Variants in GRID2 observed in about 807,000 individuals in gnomAD.
GRID2 encodes glutamate ionotropic receptor delta type subunit 2.
In GRID2, 33 loss-of-function variants were observed where a neutral mutation model predicts 114.8. The ratio of observed to expected loss-of-function variants is 0.29; its 90% confidence interval spans 0.22 to 0.38. GRID2 has a LOEUF of 0.38. Among genes scored for constraint, GRID2 ranks in the 10% least tolerant of loss-of-function variants. The pLI, the probability that GRID2 is intolerant of heterozygous loss-of-function variation, is 1.00. For synonymous variants in GRID2, 505 were observed against 449.9 expected, an observed-to-expected ratio of 1.12 and a Z score of -1.55; for missense variants, 1,184 against 1,257.7, an observed-to-expected ratio of 0.94 and a Z score of 0.89.
At chr4:93,582,452 G>A (rs1400878654) in intron 13 of GRID2, among the ~76,000 whole-genome samples, 1 of 152,118 alleles carries the variant, frequency 6.6e-6, no homozygotes. Flanking sequence ...TTGGAAGGTA[G>A]ACATATTGGA....
intron 10 of GRID2, among the ~76,000 whole-genome samples, chr4:93,443,557 A>T (rs555792677): frequency 6.6e-6 from 1 of 151,982 alleles, no homozygotes. Flanking sequence ...TTGTTCACCT[A>T]TAATCTCAGG....
intron 9 of GRID2, among the ~76,000 whole-genome samples, chr4:93,407,757 G>A (rs150086870): frequency 2.3e-4 from 5 of 21,854 alleles, no homozygotes; most frequent in African/African-American, 5.0e-4. Flanking sequence ...CCTCCTCCTC[G>A]TCCTCCTCCT....
At chr4:92,846,301 T>C (rs1021748650) in intron 2 of GRID2, among the ~76,000 whole-genome samples, 3 of 152,098 alleles carry the variant, frequency 2.0e-5, no homozygotes, top group Non-Finnish European at 4.4e-5. Context: ...TAGGTATTTT[T>C]TGAGTCTTTG....
intron 4 of GRID2, among the ~76,000 whole-genome samples, chr4:93,119,441 G>A (rs1179185377): frequency 6.6e-6 from 1 of 152,030 alleles, no homozygotes; most frequent in Non-Finnish European, 1.5e-5. Flanking sequence ...AGACATTTTG[G>A]CCATGGTCTT....
intron 4 of GRID2, among the ~76,000 whole-genome samples, chr4:93,192,994 G>T (rs572783133): frequency 6.6e-6 from 1 of 152,184 alleles, no homozygotes; most frequent in African/African-American, 2.4e-5. Flanking sequence ...ACAACAAAAA[G>T]ATCACATCAT....
At chr4:92,638,946 A>G (rs1731210875) in intron 2 of GRID2, among the ~76,000 whole-genome samples, 1 of 151,240 alleles carries the variant, frequency 6.6e-6, no homozygotes, top group Non-Finnish European at 1.5e-5. Flanking sequence ...TAACTTTATC[A>G]TTAAATTTGT....
At chr4:92,442,204 C>T (rs543499980) in intron 1 of GRID2, among the ~76,000 whole-genome samples, 1 of 151,660 alleles carries the variant, frequency 6.6e-6, no homozygotes, top group South Asian at 2.1e-4. Context: ...AGGGGGCTTC[C>T]GAGGCGATCG....
chr4:93,316,390 A>G, intron 8 of GRID2, among the ~76,000 whole-genome samples: 1 of 143,554 alleles, frequency 7.0e-6, no homozygotes, highest in African/African-American at 2.6e-5. Context: ...AAAGAATAGA[A>G]AAGGAAGGAA....
intron 1 of GRID2, among the ~76,000 whole-genome samples, chr4:92,460,053 T>TATATATATAC (rs1032538170): frequency 4.0e-5 from 4 of 99,758 alleles, no homozygotes; most frequent in South Asian, 4.0e-4. Context: ...TATATATATA[T>TATATATATAC]ACACACACAA....
downstream of GRID2, among the ~76,000 whole-genome samples, chr4:93,778,256 G>A (rs1399399178): frequency 6.6e-6 from 1 of 152,060 alleles, no homozygotes; most frequent in Non-Finnish European, 1.5e-5. Flanking sequence ...AAATTAGGTT[G>A]ACTTTAAAAT....
intron 8 of GRID2, among the ~76,000 whole-genome samples, chr4:93,307,705 A>G (rs1755580312): frequency 6.6e-6 from 1 of 152,182 alleles, no homozygotes; most frequent in Non-Finnish European, 1.5e-5. Flanking sequence ...AATGATAATA[A>G]TTAACTTTCC....
chr4:92,728,152 T>C (rs747209774), intron 2 of GRID2, among the ~76,000 whole-genome samples: 1 of 152,070 alleles, frequency 6.6e-6, no homozygotes, highest in Non-Finnish European at 1.5e-5. Context: ...GTGAGAGTCA[T>C]TGAATATTTT....
chr4:93,615,367 T>C (rs1220593973), intron 13 of GRID2, among the ~76,000 whole-genome samples: 1 of 152,130 alleles, frequency 6.6e-6, no homozygotes, highest in Non-Finnish European at 1.5e-5. Context: ...CTTAGGAAAA[T>C]GATTTTAAAG....
chr4:93,083,116 A>G (rs185845134), intron 2 of GRID2, among the ~76,000 whole-genome samples: 1 of 152,144 alleles, frequency 6.6e-6, no homozygotes. Context: ...CTAAAGATTG[A>G]CTCCAACTGT....
At chr4:92,376,997 GA>G (rs2110229315) in intron 1 of GRID2, among the ~76,000 whole-genome samples, 1 of 152,232 alleles carries the variant, frequency 6.6e-6, no homozygotes, top group South Asian at 2.1e-4. Context: ...AAAAGCCCTG[GA>G]AATATTTTTG....
intron 4 of GRID2, among the ~76,000 whole-genome samples, chr4:93,142,281 C>G (rs1042110625): frequency 2.6e-5 from 4 of 152,136 alleles, no homozygotes; most frequent in African/African-American, 9.7e-5. Flanking sequence ...ATGTATTAAT[C>G]TATCTGGGCT....
chr4:93,407,415 T>G (rs1382323892), intron 9 of GRID2, among the ~76,000 whole-genome samples: 1 of 152,148 alleles, frequency 6.6e-6, no homozygotes, highest in Non-Finnish European at 1.5e-5. Context: ...AGGAAGGTAA[T>G]ATACTTTTTT....
intron 8 of GRID2, among the ~76,000 whole-genome samples, chr4:93,387,414 C>T (rs1764425587): frequency 6.6e-6 from 1 of 152,010 alleles, no homozygotes; most frequent in African/African-American, 2.4e-5. Flanking sequence ...CCTTTCTGCT[C>T]TCAGGAAGAA....
chr4:93,248,942 T>C (rs566392038), intron 8 of GRID2, among the ~76,000 whole-genome samples: 1 of 152,348 alleles, frequency 6.6e-6, no homozygotes, highest in Admixed American at 6.5e-5. Context: ...AATTAAGCTA[T>C]TCTGTAGTGA....
Sources: allele counts gnomAD v4.1 joint callset (sites outside exome capture counted in the v4.1 genomes callset), GRCh38; gene constraint gnomAD v4.1.1; transcripts MANE v1.5; gene names NCBI Gene and HGNC (gene_info 2026-07-23, HGNC 2026-07-21).